SUSD5: variants seen among roughly 807,000 people sequenced by gnomAD.
SUSD5 encodes the protein sushi domain containing 5, also known as sushi domain-containing protein 5.
A neutral mutation model predicts 29.5 loss-of-function variants in SUSD5; 33 were observed. That is an observed-to-expected ratio of 1.12 (90% confidence interval 0.85 to 1.49). The LOEUF is 1.49. SUSD5 is among the 40% of genes most tolerant of loss of function. The pLI is 0.00. For missense variants in SUSD5, 776 were observed against 800.6 expected, an observed-to-expected ratio of 0.97 and a Z score of 0.37; for synonymous variants, 308 against 325.3, an observed-to-expected ratio of 0.95 and a Z score of 0.57.
intron 1 of SUSD5, among the ~76,000 whole-genome samples, chr3:33,217,689 G>A (rs1479869768): frequency 6.7e-6 from 1 of 149,804 alleles, no homozygotes; most frequent in Non-Finnish European, 1.5e-5. Context: ...TGACAACCAT[G>A]CTTTTTTTTT....
chr3:33,187,141 A>G (rs959197579), intron 3 of SUSD5, among the ~76,000 whole-genome samples: 2 of 152,146 alleles, frequency 1.3e-5, no homozygotes, highest in Non-Finnish European at 2.9e-5. Flanking sequence ...ACCAGGATCT[A>G]CTGGAAGGCT....
chr3:33,160,749 CAGTT>C (rs1453444365), intron 4 of SUSD5, among the ~76,000 whole-genome samples: 6 of 151,982 alleles, frequency 3.9e-5, no homozygotes, highest in African/African-American at 1.2e-4. Flanking sequence ...ACTAAAAAAT[CAGTT>C]AGAAACTTCA....
chr3:33,158,936 C>A (rs953138931), intron 4 of SUSD5, among the ~76,000 whole-genome samples: 12 of 152,218 alleles, frequency 7.9e-5, no homozygotes, highest in Non-Finnish European at 8.8e-5. Flanking sequence ...AGCCCCAAGA[C>A]ATCGAACCGT....
chr3:33,189,085 A>C (rs1476624946), intron 3 of SUSD5, among the ~76,000 whole-genome samples: 6 of 152,230 alleles, frequency 3.9e-5, no homozygotes. Context: ...ATGCAAATAA[A>C]CCCTGCGTCA....
intron 2 of SUSD5, among the ~76,000 whole-genome samples, chr3:33,209,621 TTCC>T: frequency 6.6e-6 from 1 of 151,630 alleles, no homozygotes; most frequent in South Asian, 2.1e-4. Flanking sequence ...TCTTCCTTCC[TTCC>T]TTTTCTTTTC....
chr3:33,180,914 C>T (rs944119844), intron 3 of SUSD5, among the ~76,000 whole-genome samples: 1 of 149,924 alleles, frequency 6.7e-6, no homozygotes, highest in African/African-American at 2.4e-5. Flanking sequence ...TAACTCCTGG[C>T]CTCAAGAGAT....
At position 33,167,815 on chromosome 3, in the gene SUSD5, G is replaced by GT. The variant is rs2031335978; in HGVS notation, c.598+7070dup. Among the ~76,000 whole-genome samples the GT allele has an allele frequency of 6.6e-6, 1 of 152,154 alleles. No homozygotes were observed. On this transcript the variant is annotated intron_variant, in intron 4 of 4. Coordinates refer to ENST00000309558, the MANE Select transcript of SUSD5 (RefSeq NM_015551.2). The surrounding 1 kb of genome is among the most constrained non-coding windows in gnomAD (Gnocchi z 4.1). ...CCAGCTCTCTGCCTGTGGAGGTACTGTATCTCTCACCTCCCCTCTGCTTTC... is the reference window on the plus strand; with the variant it reads ...CCAGCTCTCTGCCTGTGGAGGTACTGTTATCTCTCACCTCCCCTCTGCTTTC...
rs2030879522 is a variant in SUSD5 at position 33,151,552 on chromosome 3, T to G, written c.*1190A>C. The G allele has an allele frequency of 6.6e-6, 1 of 152,120 alleles. No individual in the cohort carries two copies. Among genetic ancestry groups the G allele is most frequent in the African/African-American group, 2.4e-5 (1 of 41,414 alleles). 9.4% of individuals were successfully genotyped at this position (152,120 alleles called of 1,614,324 possible). ...TTCGGCCCTCTGAAAACATTTCTTT[T>G]TTTTTTCTCCCGTGTCATTCTCTCT... On this transcript the variant is annotated 3_prime_UTR_variant, in exon 5 of 5. Transcript: ENST00000309558.
intron 3 of SUSD5, among the ~76,000 whole-genome samples, chr3:33,206,014 G>A (rs4078142): frequency 0.038 from 5,828 of 152,216 alleles, 321 homozygotes; most frequent in African/African-American, 0.13. Flanking sequence ...AGGTTGTCCT[G>A]TTTTTCTTCT....
At chr3:33,174,144 C>T (rs1348974571) in intron 4 of SUSD5, among the ~76,000 whole-genome samples, 1 of 152,218 alleles carries the variant, frequency 6.6e-6, no homozygotes, top group East Asian at 1.9e-4. Flanking sequence ...TCCTGGCATT[C>T]AGAAGGCTCC....
chr3:33,178,537 C>G lies in SUSD5; in HGVS notation c.410-3463G>C, dbSNP rs1269031565. 2.0e-5 allele frequency among the ~76,000 whole-genome samples: 3 copies of G among 151,916 alleles called. No individual in the cohort carries two copies. The East Asian group carries it at 5.8e-4, about 29-fold the overall frequency. On this transcript the variant is annotated intron_variant, in intron 3 of 4. Transcript: ENST00000309558. ...TTTTGGCTCACTGCAGGCTCCGCCT[C>G]CCGGGATCATGCCATTTTCCTGCCT...
chr3:33,184,898 G>A (rs1368082112), intron 3 of SUSD5, among the ~76,000 whole-genome samples: 4 of 152,204 alleles, frequency 2.6e-5, no homozygotes, highest in African/African-American at 9.6e-5. Flanking sequence ...CGCCCTATCT[G>A]AGTCTAGCTC....
chr3:33,190,156 T>G (rs904015678), intron 3 of SUSD5: 1 of 152,994 alleles, frequency 6.5e-6, no homozygotes, highest in African/African-American at 2.4e-5. Context: ...GTATATGAGA[T>G]TCATTAAATT....
At chr3:33,214,474 A>G (rs1226938635) in intron 1 of SUSD5, among the ~76,000 whole-genome samples, 1 of 152,066 alleles carries the variant, frequency 6.6e-6, no homozygotes, top group Non-Finnish European at 1.5e-5. Context: ...TAAGGCACTG[A>G]TTTAGGCCTC....
chr3:33,174,938 C>T lies in SUSD5; in HGVS notation c.546G>A (p.Leu182=). 1 of 1,614,024 alleles carries T rather than the reference C, an allele frequency of 6.2e-7. No individual in the cohort carries two copies. ...IMGHRETAFT[L]LCNSCGEWYG... is the part of the protein sequence containing the mutation. ...ACCACTCCCCACAGCTGTTACATAGCAAGGTGAAGGCGGTCTCCCGGTGGC... is the reference window on the plus strand; with the variant it reads ...ACCACTCCCCACAGCTGTTACATAGTAAGGTGAAGGCGGTCTCCCGGTGGC... Residue 182 remains leucine (L), a synonymous_variant, in exon 4 of 5, where the codon TTG becomes TTA. Coordinates refer to ENST00000309558, the MANE Select transcript of SUSD5 (RefSeq NM_015551.2).
In SUSD5 at chr3:33,150,213, A is replaced by G. The variant is rs528728685; in HGVS notation, c.*2529T>C. 1 of 152,192 alleles carries G rather than the reference A, an allele frequency of 6.6e-6. No individual in the cohort carries two copies. Among genetic ancestry groups the G allele is most frequent in the South Asian group, 2.1e-4 (1 of 4,830 alleles). The allele number at this position is 152,192 out of a possible 1,614,324, so 9.4% of individuals were successfully genotyped here. A position where few individuals can be genotyped will look rare whatever the true frequency, so the allele number is the denominator to read the frequency against. On this transcript the variant is annotated 3_prime_UTR_variant, in exon 5 of 5. Coordinates refer to ENST00000309558, the MANE Select transcript of SUSD5 (RefSeq NM_015551.2). ...CTTTCAACATGAATTTTTAGATTCT[A>G]TAACATTAATTTAGAGGATACCACA...
At chr3:33,179,010 G>A (rs1041912871) in intron 3 of SUSD5, among the ~76,000 whole-genome samples, 3 of 152,112 alleles carry the variant, frequency 2.0e-5, no homozygotes, top group African/African-American at 7.2e-5. Context: ...GTAGAGAATT[G>A]GCATAATGTC....
Position 33,153,591 on chromosome 3 carries a change from C to T in SUSD5, c.1041G>A (p.Ser347=), listed in dbSNP as rs193106795. ...TGTCATTCTTGCCCACAAATGGCCC[C>T]GAGGGACCATCAGTGTTGCCGTAGA... is the stretch of plus-strand genomic sequence containing the variant. The part of the protein sequence containing the change: ...KVIYGNTDGP[S]GPFVGKNDSK... The change falls in exon 5 of 5, where the codon TCG becomes TCA. Residue 347 remains serine, a synonymous_variant. Transcript: ENST00000309558. 49 of 1,613,964 alleles carry T rather than the reference C, an allele frequency of 3.0e-5. No individual in the cohort carries two copies. In the East Asian group the frequency reaches 6.9e-4, roughly 23 times the overall value.
intron 2 of SUSD5, among the ~76,000 whole-genome samples, chr3:33,213,257 T>C (rs2032354710): frequency 6.6e-6 from 1 of 151,644 alleles, no homozygotes; most frequent in South Asian, 2.1e-4. Flanking sequence ...AAAAAAAAAA[T>C]TAGCCAGGTG....
Sources: gnomAD v4.1 joint callset for allele counts (sites outside exome capture counted in the v4.1 genomes callset) on GRCh38, gnomAD v4.1.1 for gene constraint, Gnocchi (gnomAD v3.1) non-coding constraint, MANE v1.5 for transcripts, NCBI Gene and HGNC (gene_info 2026-07-23, HGNC 2026-07-21) for gene names.